The following XRCC6 variants were observed in gnomAD, a reference collection of about 807,000 sequenced individuals.
The protein encoded by XRCC6 is X-ray repair cross complementing 6.
XRCC6 carries 5 observed loss-of-function variants against 65.7 expected under a neutral mutation model. The observed-to-expected ratio is 0.08, with a 90% CI of 0.04 to 0.16. XRCC6 has a LOEUF of 0.16. Ranked by LOEUF, XRCC6 falls within the 10% of genes least tolerant of loss-of-function variation. XRCC6 has a pLI of 1.00. For missense variants in XRCC6, 447 were observed against 738.1 expected, an observed-to-expected ratio of 0.61 and a Z score of 4.57; for synonymous variants, 270 against 270.6, an observed-to-expected ratio of 1.00 and a Z score of 0.02.
intron 2 of XRCC6, among the ~76,000 whole-genome samples, chr22:41,622,995 G>C (rs926780088): frequency 5.3e-5 from 8 of 151,522 alleles, no homozygotes; most frequent in African/African-American, 1.9e-4. Context: ...AAAAAAATTT[G>C]CTATAATCTA....
intron 6 of XRCC6, among the ~76,000 whole-genome samples, chr22:41,640,041 AT>A (rs2067858685): frequency 6.6e-6 from 1 of 151,862 alleles, no homozygotes; most frequent in South Asian, 2.1e-4. Context: ...ACAGCCTTTT[AT>A]TTATTAAGAG....
chr22:41,637,455 T>A (rs534871067), intron 5 of XRCC6, among the ~76,000 whole-genome samples, 153 bp from the exon 6 acceptor site: 70 of 152,322 alleles, frequency 4.6e-4, no homozygotes, highest in Admixed American at 7.8e-4. Flanking sequence ...TTATAGCAGT[T>A]GGTTTCCTTA....
intron 2 of XRCC6, among the ~76,000 whole-genome samples, chr22:41,626,351 C>T (rs1172771790): frequency 1.3e-5 from 2 of 152,120 alleles, no homozygotes; most frequent in Admixed American, 1.3e-4. Flanking sequence ...CCATGTTGTC[C>T]AGGATGGTCT....
At chr22:41,652,125 T>G (rs762225326) in intron 8 of XRCC6, among the ~76,000 whole-genome samples, 36 of 152,158 alleles carry the variant, frequency 2.4e-4, no homozygotes, top group Non-Finnish European at 5.0e-4. Context: ...TGTAATTCTT[T>G]GAAGCATCAG....
intron 7 of XRCC6, among the ~76,000 whole-genome samples, chr22:41,649,160 A>ATATATATATATATATATGTATGTATG (rs1376197191): frequency 7.9e-6 from 1 of 125,868 alleles, no homozygotes; most frequent in African/African-American, 3.6e-5. Flanking sequence ...ATATATATAT[A>ATATATATATATATATATGTATGTATG]TATGTATGTA....
intron 3 of XRCC6, among the ~76,000 whole-genome samples, chr22:41,632,837 A>AG (rs2067770205): frequency 6.6e-6 from 1 of 150,658 alleles, no homozygotes; most frequent in African/African-American, 2.4e-5. Context: ...AAAAAAAAAA[A>AG]AAAAGAAAAG....
chr22:41,655,518 A>G (rs147929062), intron 9 of XRCC6, among the ~76,000 whole-genome samples: 1,802 of 151,950 alleles, frequency 0.012, 40 homozygotes, highest in African/African-American at 0.041. Context: ...CATCCTGGCT[A>G]ACACGGTGAA....
Position 41,628,045 on chromosome 22 carries a change from C to T in XRCC6, c.83-73C>T, listed in dbSNP as rs1353247349. On this transcript the variant is annotated intron_variant, in intron 2 of 12. Coordinates refer to ENST00000360079, the MANE Select transcript of XRCC6 (RefSeq NM_001469.5). Reference sequence around the variant, plus strand: ...TATTAGGTTATACTTTCCTTTATGGCCTTTATTTATCTTATATGGTAAACA... The same window carrying T: ...TATTAGGTTATACTTTCCTTTATGGTCTTTATTTATCTTATATGGTAAACA... 6 of 992,116 alleles carry T rather than the reference C, an allele frequency of 6.0e-6. No homozygotes were observed. In the Admixed American group the frequency reaches 1.2e-4, roughly 20 times the overall value. The allele number at this position is 992,116 out of a possible 1,614,324, so 61.5% of individuals were successfully genotyped here.
At chr22:41,622,972 A>G (rs1296585065) in intron 2 of XRCC6, among the ~76,000 whole-genome samples, 2 of 152,088 alleles carry the variant, frequency 1.3e-5, no homozygotes, top group East Asian at 3.9e-4. Context: ...GAAACATAGG[A>G]AATACAAAAA....
chr22:41,634,405 A>G (rs555884617), intron 3 of XRCC6, among the ~76,000 whole-genome samples: 4 of 151,938 alleles, frequency 2.6e-5, no homozygotes, highest in South Asian at 4.2e-4. Flanking sequence ...TGCCCAGGCT[A>G]GTTTCAAACT....
intron 5 of XRCC6, among the ~76,000 whole-genome samples, chr22:41,637,078 A>ATTTTTTTTT (rs35433922): frequency 2.3e-5 from 2 of 88,708 alleles, no homozygotes; most frequent in Admixed American, 1.2e-4. Flanking sequence ...GATTGTCTTG[A>ATTTTTTTTT]TTTTTTTTTT....
At chr22:41,658,727 A>G (rs1004626591) in intron 11 of XRCC6, among the ~76,000 whole-genome samples, 1 of 152,172 alleles carries the variant, frequency 6.6e-6, no homozygotes, top group Non-Finnish European at 1.5e-5. Context: ...CATCCTGGCC[A>G]ACATGTCTCT....
intron 2 of XRCC6, among the ~76,000 whole-genome samples, chr22:41,623,652 G>A (rs1171034109): frequency 6.6e-6 from 1 of 152,096 alleles, no homozygotes; most frequent in African/African-American, 2.4e-5. Flanking sequence ...ATCCCAAAGT[G>A]CTGGGATTAC....
intron 6 of XRCC6, 48 bp downstream of exon 6, chr22:41,637,839 A>C (rs1273394946): frequency 6.3e-7 from 1 of 1,578,278 alleles, no homozygotes. Flanking sequence ...TTAAATCAGA[A>C]GCAGGCTGGG....
At chr22:41,648,934 T>C (rs1204266949) in intron 7 of XRCC6, among the ~76,000 whole-genome samples, 5 of 151,852 alleles carry the variant, frequency 3.3e-5, no homozygotes, top group Admixed American at 3.3e-4. Context: ...TACTAAGCTG[T>C]TATTAGTCAC....
intron 12 of XRCC6, 130 bp downstream of exon 12, chr22:41,661,574 CAG>C: frequency 1.3e-6 from 1 of 742,360 alleles, no homozygotes; most frequent in Non-Finnish European, 2.1e-6. Flanking sequence ...ATCCAAAAAA[CAG>C]ACAATAACAA....
At chr22:41,630,218 G>A (rs1327306680) in intron 3 of XRCC6, among the ~76,000 whole-genome samples, 3 of 151,780 alleles carry the variant, frequency 2.0e-5, no homozygotes, top group Non-Finnish European at 2.9e-5. Context: ...CCCTGACCTC[G>A]TGATCTGCTC....
intron 9 of XRCC6, 128 bp downstream of exon 9, chr22:41,653,818 G>A (rs2068022262): frequency 8.1e-7 from 1 of 1,231,190 alleles, no homozygotes; most frequent in Non-Finnish European, 1.1e-6. Flanking sequence ...CTATTTTTAA[G>A]CTTTCTTGGG....
intron 2 of XRCC6, among the ~76,000 whole-genome samples, chr22:41,623,616 T>G (rs571845629): frequency 6.6e-6 from 1 of 152,306 alleles, no homozygotes; most frequent in East Asian, 1.9e-4. Context: ...CTTGATCTCC[T>G]GACCTTGTGA....
Sources: gnomAD v4.1 joint callset for allele counts (sites outside exome capture counted in the v4.1 genomes callset) on GRCh38, gnomAD v4.1.1 for gene constraint, MANE v1.5 for transcripts, NCBI Gene and HGNC (gene_info 2026-07-23, HGNC 2026-07-21) for gene names.